Variants in FNDC3A observed in about 807,000 individuals in gnomAD.
FNDC3A encodes the protein fibronectin type-III domain-containing protein 3A.
In FNDC3A, 32 loss-of-function variants were observed where a neutral mutation model predicts 148.9. The ratio of observed to expected loss-of-function variants is 0.21; its 90% confidence interval spans 0.16 to 0.29. The LOEUF (loss-of-function observed/expected upper bound fraction) is 0.29, where lower values mean the gene tolerates loss of function less well. Ranked by LOEUF, FNDC3A falls within the 10% of genes least tolerant of loss-of-function variation. FNDC3A has a pLI of 1.00. For synonymous variants in FNDC3A, 472 were observed against 473.6 expected (o/e 1.00, Z 0.04); for missense variants, 1,191 against 1,452.8 (o/e 0.82, Z 2.93).
Position 49,056,905 on chromosome 13 carries a change from G to A in FNDC3A, c.100-18384G>A, listed in dbSNP as rs184230244. Among the ~76,000 whole-genome samples, 9 of 152,226 alleles carry A rather than the reference G, an allele frequency of 5.9e-5. No homozygotes were observed. In the East Asian group the frequency reaches 1.5e-3, roughly 26 times the overall value. On this transcript the variant is annotated intron_variant, in intron 2 of 25. Coordinates refer to ENST00000492622, the MANE Select transcript of FNDC3A (RefSeq NM_001079673.2). ...CCTAAAACCTTGTTATCTGATTTTA[G>A]GAGGTCAAAACCTACAGTTTGTTTT...
intron 2 of FNDC3A, among the ~76,000 whole-genome samples, chr13:49,008,973 A>G (rs1248526078): frequency 2.0e-5 from 3 of 152,190 alleles, no homozygotes; most frequent in South Asian, 2.1e-4. Context: ...TTAATGAACC[A>G]GTATTGATGC....
At chr13:49,051,556 G>A (rs965007680) in intron 2 of FNDC3A, among the ~76,000 whole-genome samples, 4 of 152,204 alleles carry the variant, frequency 2.6e-5, no homozygotes, top group Non-Finnish European at 5.9e-5. Flanking sequence ...AATCTGATAA[G>A]TTTTCCTTTT....
At chr13:49,024,197 C>T (rs894215485) in intron 2 of FNDC3A, among the ~76,000 whole-genome samples, 161 of 152,026 alleles carry the variant, frequency 1.1e-3, no homozygotes, top group African/African-American at 3.8e-3. Flanking sequence ...AAAACCTAAA[C>T]GGACCAATAA....
chr13:49,146,298 C>A lies in FNDC3A; in HGVS notation c.977+363C>A, dbSNP rs540902336. On this transcript the variant is annotated intron_variant, in intron 8 of 25. Transcript: ENST00000492622. ...TAAACTCATAAAGTATGACATTGCT[C>A]CTCTAAGGACTGGATTTAATTCTTA... 2.5e-4 allele frequency: 42 copies of A among 171,082 alleles called. No individual in the cohort carries two copies. The South Asian group carries it at 6.2e-3, about 25-fold the overall frequency. 10.6% of individuals were successfully genotyped at this position (171,082 alleles called of 1,614,324 possible). A position where few individuals can be genotyped will look rare whatever the true frequency, so the allele number is the denominator to read the frequency against.
rs572711808 is a variant in FNDC3A, at chr13:49,208,414, G to A, written c.*1019G>A. Reference sequence around the variant, plus strand: ...ATTCATAATCAAACCTAACCTTTTTGTTTGGGGCACCAAATCTGAAGACAA... The same window carrying A: ...ATTCATAATCAAACCTAACCTTTTTATTTGGGGCACCAAATCTGAAGACAA... On this transcript the variant is annotated 3_prime_UTR_variant, in exon 26 of 26. Transcript: ENST00000492622. 1 of 152,644 alleles carries A rather than the reference G, an allele frequency of 6.6e-6. No homozygotes were observed. The highest frequency in any genetic ancestry group is 1.5e-5 in the Non-Finnish European group (1 of 67,968). 9.5% of individuals were successfully genotyped at this position (152,644 alleles called of 1,614,324 possible).
intron 2 of FNDC3A, among the ~76,000 whole-genome samples, chr13:49,015,895 T>C (rs1343555466): frequency 2.6e-5 from 4 of 151,804 alleles, no homozygotes; most frequent in African/African-American, 9.7e-5. Context: ...GTTTATATGC[T>C]GGATTACATT....
intron 4 of FNDC3A, among the ~76,000 whole-genome samples, chr13:49,120,785 G>C (rs1021700308): frequency 6.6e-6 from 1 of 152,114 alleles, no homozygotes; most frequent in South Asian, 2.1e-4. Context: ...AGTGCAACCA[G>C]AAGAGCTAAC....
At chr13:49,136,863 T>C (rs1661036029) in intron 6 of FNDC3A, among the ~76,000 whole-genome samples, 1 of 152,174 alleles carries the variant, frequency 6.6e-6, no homozygotes, top group African/African-American at 2.4e-5. Flanking sequence ...TTGATAAGGC[T>C]ATGCTGCTGG....
Position 49,198,273 on chromosome 13 carries a change from C to CT in FNDC3A, c.2774+9dup, listed in dbSNP as rs765092694. Reference sequence around the variant, plus strand: ...ACCAGATACAACATACAGGTATACTCTAAAAATTATGTTGATTTTTGCCTA... The same window carrying CT: ...ACCAGATACAACATACAGGTATACTCTTAAAAATTATGTTGATTTTTGCCTA... On this transcript the variant is annotated intron_variant, in intron 22 of 25. Transcript: ENST00000492622. 17 of 1,611,298 alleles carry CT rather than the reference C, an allele frequency of 1.1e-5. No individual in the cohort carries two copies. The East Asian group carries it at 3.3e-4, about 32-fold the overall frequency.
chr13:49,141,522 T>C lies in FNDC3A; in HGVS notation c.819+2717T>C, dbSNP rs76953769. On this transcript the variant is annotated intron_variant, in intron 7 of 25. Transcript: ENST00000492622. The stretch of plus-strand genomic sequence containing the variant: ...TTATTCTCTCACCTCCTGATGCCCT[T>C]ATCTAGACAAGGATCAAACATTTAT... 2.6e-3 allele frequency among the ~76,000 whole-genome samples: 396 copies of C among 152,310 alleles called. 10 individuals are homozygous for C. In the East Asian group the frequency reaches 0.041, roughly 16 times the overall value.
At chr13:49,193,803 C>T (rs557920259) in intron 19 of FNDC3A, among the ~76,000 whole-genome samples, 12 of 151,976 alleles carry the variant, frequency 7.9e-5, no homozygotes, top group African/African-American at 2.9e-4. Context: ...GCCTGTAATC[C>T]CAGCTGCTCT....
chr13:49,122,686 C>T (rs1017626918), intron 4 of FNDC3A, among the ~76,000 whole-genome samples: 1 of 152,132 alleles, frequency 6.6e-6, no homozygotes, highest in African/African-American at 2.4e-5. Flanking sequence ...AAATCACAAG[C>T]ATTCCTATAC....
At chr13:49,084,012 C>G (rs1179653604) in intron 3 of FNDC3A, among the ~76,000 whole-genome samples, 1 of 152,178 alleles carries the variant, frequency 6.6e-6, no homozygotes, top group Admixed American at 6.5e-5. Context: ...TATCTGTGCA[C>G]AGGCACATAA....
chr13:49,124,557 T>C (rs1458262699), intron 4 of FNDC3A, among the ~76,000 whole-genome samples: 2 of 151,954 alleles, frequency 1.3e-5, no homozygotes, highest in Non-Finnish European at 2.9e-5. Context: ...ATAGTCCACA[T>C]ACCAAGATTA....
intron 7 of FNDC3A, among the ~76,000 whole-genome samples, chr13:49,142,847 A>C (rs1205056710): frequency 1.3e-5 from 2 of 152,142 alleles, no homozygotes; most frequent in African/African-American, 4.8e-5. Flanking sequence ...TTAACATATA[A>C]GTGCAAGTAA....
chr13:49,144,032 C>A (rs150168556), intron 7 of FNDC3A, among the ~76,000 whole-genome samples: 8,075 of 149,844 alleles, frequency 0.054, 254 homozygotes, highest in Middle Eastern at 0.092. Flanking sequence ...ACTACTACTA[C>A]TAATAATAAT....
chr13:49,153,421 C>A (rs1883446914), intron 8 of FNDC3A, among the ~76,000 whole-genome samples: 5 of 152,072 alleles, frequency 3.3e-5, no homozygotes, highest in Admixed American at 3.3e-4. Flanking sequence ...GATATTAGCC[C>A]TTTGTCAGAT....
chr13:49,094,063 A>G (rs1879367612), intron 3 of FNDC3A, among the ~76,000 whole-genome samples: 1 of 152,190 alleles, frequency 6.6e-6, no homozygotes, highest in South Asian at 2.1e-4. Flanking sequence ...GAGAGTTTGA[A>G]AAAGGCTCTT....
intron 25 of FNDC3A, among the ~76,000 whole-genome samples, chr13:49,206,308 C>T (rs1886639347): frequency 6.7e-6 from 1 of 148,636 alleles, no homozygotes. Context: ...ACCTTGGATG[C>T]CAGGGGTGAA....
Sources: allele counts gnomAD v4.1 joint callset (sites outside exome capture counted in the v4.1 genomes callset), GRCh38; gene constraint gnomAD v4.1.1; transcripts MANE v1.5; gene names NCBI Gene and HGNC (gene_info 2026-07-23, HGNC 2026-07-21).